PCDHGA3: variants seen among roughly 807,000 people sequenced by gnomAD.
PCDHGA3 encodes protocadherin gamma-A3.
A neutral mutation model predicts 58.5 loss-of-function variants in PCDHGA3; 40 were observed. The ratio of observed to expected loss-of-function variants is 0.68; its 90% CI spans 0.53 to 0.89. The LOEUF (loss-of-function observed/expected upper bound fraction) is 0.89. Among genes scored for constraint, PCDHGA3 ranks in the 40% least tolerant of loss-of-function variants. The pLI, the probability that PCDHGA3 is intolerant of heterozygous loss-of-function variation, is 0.00. For missense variants in PCDHGA3, 1,223 were observed against 1,195.9 expected (o/e 1.02, Z -0.33); for synonymous variants, 530 against 525.7 (o/e 1.01, Z -0.11).
intron 1 of PCDHGA3, among the ~76,000 whole-genome samples, chr5:141,479,979 T>C (rs67253891): frequency 0.061 from 9,352 of 152,266 alleles, 334 homozygotes; most frequent in South Asian, 0.12. Context: ...GTTCTACCAT[T>C]TACCAACTAG....
chr5:141,364,265 C>T (rs1763247589), intron 1 of PCDHGA3: 3 of 1,511,160 alleles, frequency 2.0e-6, no homozygotes, highest in East Asian at 2.3e-5. Context: ...TACCCATCGG[C>T]TTTAGATAAA....
intron 1 of PCDHGA3, among the ~76,000 whole-genome samples, chr5:141,444,162 T>A: frequency 8.4e-6 from 1 of 119,238 alleles, no homozygotes. Flanking sequence ...ATTTTTTTTT[T>A]TTTTTTTTTT....
intron 1 of PCDHGA3, among the ~76,000 whole-genome samples, chr5:141,468,946 C>G: frequency 7.0e-6 from 1 of 141,900 alleles, no homozygotes; most frequent in Non-Finnish European, 1.5e-5. Context: ...ATGGGGTAAA[C>G]CTGTGGTTTT....
At position 141,490,545 on chromosome 5, in the gene PCDHGA3, C is replaced by T; in HGVS notation, c.2425-4262C>T. 3 of 1,614,164 alleles carry T rather than the reference C, an allele frequency of 1.9e-6. No homozygotes were observed. The highest frequency in any genetic ancestry group is 2.5e-6 in the Non-Finnish European group (3 of 1,180,018). ...GCGATGCTGGTTCACCTTCCCTACA[C>T]AAACATCTCACCATCAGGCTCAACA... On this transcript the variant is annotated intron_variant, in intron 1 of 3. Coordinates refer to ENST00000253812, the MANE Select transcript of PCDHGA3 (RefSeq NM_018916.4). The surrounding 1 kb of genome is among the most constrained non-coding windows in gnomAD (Gnocchi z 5.4).
rs200646513 is a variant in PCDHGA3, at chr5:141,421,389, G to A, written c.2425-73418G>A. ...TGGGCAATATCTCCAAGGACCTGGG[G>A]CTGGAGCCCCGGGAGCTGGCGAAGC... On this transcript the variant is annotated intron_variant, in intron 1 of 3. Coordinates refer to ENST00000253812, the MANE Select transcript of PCDHGA3 (RefSeq NM_018916.4). The A allele has an allele frequency of 1.7e-3, 2,771 of 1,614,052 alleles. 5 individuals carry two copies. The highest frequency in any genetic ancestry group is 2.2e-3 in the Non-Finnish European group (2,560 of 1,179,918).
Position 141,351,103 on chromosome 5 carries a change from C to G in PCDHGA3, c.2424+4646C>G, listed in dbSNP as rs547716264. The stretch of plus-strand genomic sequence containing the variant: ...AGATCACCTATGCCTTCCTCAATTC[C>G]CCAATAAGTACCAGCCTCTTCAATC... On this transcript the variant is annotated intron_variant, in intron 1 of 3. Coordinates refer to ENST00000253812, the MANE Select transcript of PCDHGA3 (RefSeq NM_018916.4). The G allele has an allele frequency of 1.2e-5, 19 of 1,614,056 alleles. No homozygotes were observed. In the South Asian group the frequency reaches 2.0e-4, roughly 17 times the overall value.
Position 141,392,773 on chromosome 5 carries a change from G to A in PCDHGA3, c.2424+46316G>A, listed in dbSNP as rs767754110. Reference sequence around the variant, plus strand: ...AAGAAACTAAATAAGACCCATTTATGCACAGTGAAGATTCTGAGAGGATTC... The same window carrying A: ...AAGAAACTAAATAAGACCCATTTATACACAGTGAAGATTCTGAGAGGATTC... On this transcript the variant is annotated intron_variant, in intron 1 of 3. Transcript: ENST00000253812. 4 of 1,518,312 alleles carry A rather than the reference G, an allele frequency of 2.6e-6. No homozygotes were observed. In the African/African-American group the frequency reaches 5.6e-5, roughly 21 times the overall value. The allele number at this position is 1,518,312 out of a possible 1,614,324, so 94.1% of individuals were successfully genotyped here.
chr5:141,475,300 T>C (rs1383092136), intron 1 of PCDHGA3, among the ~76,000 whole-genome samples: 3 of 152,332 alleles, frequency 2.0e-5, no homozygotes, highest in South Asian at 2.1e-4. Context: ...AATTTCTTAT[T>C]GCTCCCTGGT....
chr5:141,364,631 C>G lies in PCDHGA3; in HGVS notation c.2424+18174C>G, dbSNP rs1185319581. ...GGAGGAGCTCTGCGCTCAGAGCCCA[C>G]TGTGTGTGGTGAACTTTAACATCTT... On this transcript the variant is annotated intron_variant, in intron 1 of 3. Coordinates refer to ENST00000253812, the MANE Select transcript of PCDHGA3 (RefSeq NM_018916.4). 1.2e-6 allele frequency: 2 copies of G among 1,614,122 alleles called. No individual in the cohort carries two copies. Among genetic ancestry groups the G allele is most frequent in the East Asian group, 2.2e-5 (1 of 44,886 alleles).
intron 1 of PCDHGA3, among the ~76,000 whole-genome samples, chr5:141,483,208 G>A (rs1195144442): frequency 6.6e-6 from 1 of 152,196 alleles, no homozygotes; most frequent in East Asian, 1.9e-4. Context: ...ATTCCATATA[G>A]ATGACAGTCA....
chr5:141,478,204 T>C (rs775367944), intron 1 of PCDHGA3: 7 of 1,613,950 alleles, frequency 4.3e-6, no homozygotes, highest in Middle Eastern at 1.6e-4. Context: ...ATCTACTTCT[T>C]TCTCTAATCC....
chr5:141,371,262 C>T (rs368232567), intron 1 of PCDHGA3: 3 of 1,613,880 alleles, frequency 1.9e-6, no homozygotes, highest in Non-Finnish European at 2.5e-6. Flanking sequence ...GGAAGTGAGA[C>T]AACTGTTCAA....
chr5:141,378,520 C>T (rs930266884), intron 1 of PCDHGA3: 4 of 151,996 alleles, frequency 2.6e-5, no homozygotes, highest in Non-Finnish European at 5.9e-5. Flanking sequence ...GAGACTCTGT[C>T]TCAAAAAATA....
At position 141,431,276 on chromosome 5, in the gene PCDHGA3, A is replaced by T; in HGVS notation, c.2425-63531A>T. 6.2e-7 allele frequency: 1 copy of T among 1,614,176 alleles called. No individual in the cohort carries two copies. Among genetic ancestry groups the T allele is most frequent in the South Asian group, 1.1e-5 (1 of 91,084 alleles). ...GAACTCTCTGCAGAGCTACGAGCTC[A>T]GCCCGAACACTCACTTCTCCCTCAT... is the stretch of plus-strand genomic sequence containing the variant. On this transcript the variant is annotated intron_variant, in intron 1 of 3. Transcript: ENST00000253812. The surrounding 1 kb of genome is among the most constrained non-coding windows in gnomAD (Gnocchi z 4.8).
In PCDHGA3 at chr5:141,344,561, CT is replaced by C; in HGVS notation, c.529del (p.Tyr177ThrfsTer6). ...AGAACTACAAGCTTAGCCCCAATGA[CT>C]ACTTCTCTCTGGCTGTGAATAGCGT... ...LQNYKLSPND[Y>X]FSLAVNSVSE... is the part of the protein sequence containing the mutation. On this transcript the variant is annotated frameshift_variant, in exon 1 of 4. Coordinates refer to ENST00000253812, the MANE Select transcript of PCDHGA3 (RefSeq NM_018916.4). LOFTEE classifies it high-confidence loss of function. The C allele has an allele frequency of 6.2e-7, 1 of 1,614,022 alleles. No individual in the cohort carries two copies. The highest frequency in any genetic ancestry group is 8.5e-7 in the Non-Finnish European group (1 of 1,179,896).
chr5:141,403,832 C>T (rs374600582), intron 1 of PCDHGA3: 1 of 1,613,684 alleles, frequency 6.2e-7, no homozygotes, highest in Non-Finnish European at 8.5e-7. Context: ...GCTATTCCAG[C>T]TTAATGAAAA....
intron 1 of PCDHGA3, among the ~76,000 whole-genome samples, chr5:141,482,832 G>A (rs2099573281): frequency 6.6e-6 from 1 of 152,188 alleles, no homozygotes; most frequent in Non-Finnish European, 1.5e-5. Flanking sequence ...AGCACTTTGG[G>A]AGGCCAAGGT....
intron 2 of PCDHGA3, among the ~76,000 whole-genome samples, chr5:141,501,184 C>T (rs1209222790): frequency 6.6e-6 from 1 of 152,002 alleles, no homozygotes; most frequent in Non-Finnish European, 1.5e-5. Context: ...CATTTTAACA[C>T]AATTAAATTC....
intron 1 of PCDHGA3, chr5:141,417,692 C>T (rs2096147964): frequency 1.8e-6 from 2 of 1,089,118 alleles, no homozygotes; most frequent in Non-Finnish European, 2.5e-6. Flanking sequence ...AAAAGAAAAC[C>T]AGCTCCCACA....
Sources: gnomAD v4.1 joint callset for allele counts (sites outside exome capture counted in the v4.1 genomes callset) on GRCh38, gnomAD v4.1.1 for gene constraint, Gnocchi (gnomAD v3.1) non-coding constraint, MANE v1.5 for transcripts, NCBI Gene and HGNC (gene_info 2026-07-23, HGNC 2026-07-21) for gene names.